BICD2: variants seen among roughly 807,000 people sequenced by gnomAD.
BICD2 encodes the protein BICD cargo adaptor 2, also known as protein bicaudal D homolog 2.
BICD2 carries 25 observed loss-of-function variants against 72.9 expected under a neutral mutation model. That is an observed-to-expected ratio of 0.34 (90% CI 0.25 to 0.48). BICD2 has a LOEUF of 0.48. Ranked by LOEUF, BICD2 falls within the 20% of genes least tolerant of loss-of-function variation. The pLI is 0.99. For synonymous variants in BICD2, 501 were observed against 516.1 expected (o/e 0.97, Z 0.40); for missense variants, 894 against 1,175.2 (o/e 0.76, Z 3.50).
intron 1 of BICD2, among the ~76,000 whole-genome samples, chr9:92,737,888 AGGTAG>A (rs1853821034): frequency 6.6e-6 from 1 of 152,222 alleles, no homozygotes; most frequent in Admixed American, 6.5e-5. Context: ...GCAAAGCAAA[AGGTAG>A]GACAAGGTGG....
chr9:92,757,227 T>C (rs1201163829), intron 1 of BICD2, among the ~76,000 whole-genome samples: 2 of 147,072 alleles, frequency 1.4e-5, no homozygotes, highest in Admixed American at 6.9e-5. Context: ...GGTAGGAGAG[T>C]TGCTTGAACA....
At chr9:92,760,399 T>G (rs1264418022) in intron 1 of BICD2, among the ~76,000 whole-genome samples, 2 of 152,172 alleles carry the variant, frequency 1.3e-5, no homozygotes, top group Non-Finnish European at 2.9e-5. Flanking sequence ...ACCATCCGCA[T>G]GCCTAGGGCT....
At chr9:92,738,144 GGT>G (rs1853826558) in intron 1 of BICD2, among the ~76,000 whole-genome samples, 1 of 152,208 alleles carries the variant, frequency 6.6e-6, no homozygotes, top group South Asian at 2.1e-4. Flanking sequence ...GCTATGACTT[GGT>G]GAGCTCCGCC....
intron 1 of BICD2, among the ~76,000 whole-genome samples, chr9:92,744,205 T>C (rs1266317348): frequency 2.0e-5 from 3 of 152,182 alleles, no homozygotes; most frequent in African/African-American, 7.2e-5. Flanking sequence ...ATGAATCCCA[T>C]GTGGCAACGA....
At chr9:92,759,281 G>A (rs1444225068) in intron 1 of BICD2, among the ~76,000 whole-genome samples, 6 of 152,194 alleles carry the variant, frequency 3.9e-5, no homozygotes, top group Admixed American at 6.5e-5. Flanking sequence ...ACTCACAAGG[G>A]AAGAAGAGCT....
chr9:92,754,699 T>C (rs1053377480), intron 1 of BICD2, among the ~76,000 whole-genome samples: 3 of 152,236 alleles, frequency 2.0e-5, no homozygotes, highest in African/African-American at 7.2e-5. Context: ...TTGTAATTTC[T>C]TATGCCTGTC....
chr9:92,742,400 T>C (rs1428869925), intron 1 of BICD2, among the ~76,000 whole-genome samples: 1 of 151,956 alleles, frequency 6.6e-6, no homozygotes, highest in East Asian at 1.9e-4. Flanking sequence ...TTTCTTTTTT[T>C]TTGAGATGGA....
intron 3 of BICD2, among the ~76,000 whole-genome samples, chr9:92,721,484 AT>A (rs1462042862): frequency 1.3e-5 from 2 of 152,250 alleles, no homozygotes; most frequent in Admixed American, 1.3e-4. Flanking sequence ...GAGGCTCAGA[AT>A]TTGTGGGCAA....
At chr9:92,727,588 C>T (rs1274615010) in intron 2 of BICD2, among the ~76,000 whole-genome samples, 1 of 152,226 alleles carries the variant, frequency 6.6e-6, no homozygotes, top group Non-Finnish European at 1.5e-5. Context: ...AAGGCCACGG[C>T]CAGGAGGACT....
intron 3 of BICD2, among the ~76,000 whole-genome samples, chr9:92,722,091 T>C (rs1853474493): frequency 6.6e-6 from 1 of 152,152 alleles, no homozygotes; most frequent in Admixed American, 6.5e-5. Flanking sequence ...GAAGAGCAAG[T>C]TCAGGCCTTG....
chr9:92,714,096 A>G lies in BICD2; in HGVS notation c.*1058T>C. ...CTCTTTCTCTGTTGCCATCCCCCAGATTGCACTAAATAAAGAGACCTAAAC... is the reference window on the plus strand; with the variant it reads ...CTCTTTCTCTGTTGCCATCCCCCAGGTTGCACTAAATAAAGAGACCTAAAC... On this transcript the variant is annotated 3_prime_UTR_variant, in exon 7 of 7. Coordinates refer to ENST00000356884, the MANE Select transcript of BICD2 (RefSeq NM_001003800.2). The G allele has an allele frequency of 1.0e-6, 1 of 985,908 alleles. No homozygotes were observed. The highest frequency in any genetic ancestry group is 1.7e-5 in the African/African-American group (1 of 57,368). The allele number at this position is 985,908 out of a possible 1,614,324, so 61.1% of individuals were successfully genotyped here. A position where few individuals can be genotyped will look rare whatever the true frequency, so the allele number is the denominator to read the frequency against.
At chr9:92,721,061 G>A (rs927213415) in intron 3 of BICD2, among the ~76,000 whole-genome samples, 2 of 152,206 alleles carry the variant, frequency 1.3e-5, no homozygotes, top group Non-Finnish European at 2.9e-5. Context: ...GTCTGAGGTG[G>A]CCCCAAGCCA....
At position 92,717,961 on chromosome 9, in the gene BICD2, T is replaced by C. The variant is rs531116133; in HGVS notation, c.2107-13A>G. On this transcript the variant is annotated splice_polypyrimidine_tract_variant and intron_variant, in intron 5 of 6. Coordinates refer to ENST00000356884, the MANE Select transcript of BICD2 (RefSeq NM_001003800.2). ...CCACCTCGGCCGTCTGGGGGACAGATGTGTAGGGTGGAAAAGTGAAAGGCG... is the reference window on the plus strand; with the variant it reads ...CCACCTCGGCCGTCTGGGGGACAGACGTGTAGGGTGGAAAAGTGAAAGGCG... The C allele has an allele frequency of 4.3e-6, 7 of 1,610,500 alleles. No individual in the cohort carries two copies. The highest frequency in any genetic ancestry group is 4.5e-5 in the East Asian group (2 of 44,836).
chr9:92,719,449 C>T lies in BICD2; in HGVS notation c.1196G>A (p.Arg399His), dbSNP rs372251238. 22 of 1,614,014 alleles carry T rather than the reference C, an allele frequency of 1.4e-5. No individual in the cohort carries two copies. The highest frequency in any genetic ancestry group is 4.4e-5 in the South Asian group (4 of 91,086). Reference sequence around the variant, plus strand: ...CTGCCGCTCCTTGCTGGCCTGCAGGCGCCGCAGGGCACTCAGATTCTCTGT... The same window carrying T: ...CTGCCGCTCCTTGCTGGCCTGCAGGTGCCGCAGGGCACTCAGATTCTCTGT... ...RLTENLSALR[R>H]LQASKERQTA... Residue 399 changes from arginine (R) to histidine (H), a missense_variant, in exon 5 of 7, where the codon CGC becomes CAC. Transcript: ENST00000356884.
chr9:92,764,404 C>G lies in BICD2; in HGVS notation c.240+101G>C. 7.4e-7 allele frequency: 1 copy of G among 1,352,762 alleles called. No individual in the cohort carries two copies. Among genetic ancestry groups the G allele is most frequent in the Non-Finnish European group, 9.5e-7 (1 of 1,055,198 alleles). 83.8% of individuals were successfully genotyped at this position (1,352,762 alleles called of 1,614,324 possible). The stretch of plus-strand genomic sequence containing the variant: ...CGCCCCGGCGGCCCACCCCTGCCGG[C>G]CCCCGCTTGGCAAGCTGACCTTGGC... On this transcript the variant is annotated intron_variant, in intron 1 of 6. Coordinates refer to ENST00000356884, the MANE Select transcript of BICD2 (RefSeq NM_001003800.2). This position sits in a 1 kb window ranked among gnomAD's most constrained non-coding sequence, Gnocchi z 5.5.
At chr9:92,739,563 A>T (rs10992442) in intron 1 of BICD2, among the ~76,000 whole-genome samples, 43,257 of 152,172 alleles carry the variant, frequency 0.28, 7,141 homozygotes, top group East Asian at 0.76. Flanking sequence ...CAGGGAGGCA[A>T]AGCCTTTGGA....
chr9:92,740,552 G>A (rs1283955615), intron 1 of BICD2, among the ~76,000 whole-genome samples: 3 of 151,966 alleles, frequency 2.0e-5, no homozygotes, highest in African/African-American at 4.8e-5. Flanking sequence ...GGGCGTTGTG[G>A]TGGATTGCAC....
intron 1 of BICD2, among the ~76,000 whole-genome samples, chr9:92,731,417 C>T (rs1044823600): frequency 2.6e-5 from 4 of 151,860 alleles, no homozygotes; most frequent in Non-Finnish European, 5.9e-5. Context: ...TACAGACTTC[C>T]GCGTACAGCC....
intron 2 of BICD2, among the ~76,000 whole-genome samples, chr9:92,727,750 C>CGG (rs1853594782): frequency 6.6e-6 from 1 of 151,572 alleles, no homozygotes; most frequent in Non-Finnish European, 1.5e-5. Context: ...CCCCACAGCC[C>CGG]ACTCCCCGTG....
Sources: allele counts gnomAD v4.1 joint callset (sites outside exome capture counted in the v4.1 genomes callset), GRCh38; gene constraint gnomAD v4.1.1; non-coding constraint Gnocchi (gnomAD v3.1); transcripts MANE v1.5; gene names NCBI Gene and HGNC (gene_info 2026-07-23, HGNC 2026-07-21).